The following FSTL1 variants were observed in gnomAD, a reference collection of about 807,000 sequenced individuals.
FSTL1 encodes the protein follistatin-related protein 1.
A neutral mutation model predicts 45.9 loss-of-function variants in FSTL1; 24 were observed. That is an observed-to-expected ratio of 0.52 (90% CI 0.38 to 0.74). FSTL1 has a LOEUF of 0.74. FSTL1 is among the 30% of genes least tolerant of loss of function. The pLI, the probability that FSTL1 is intolerant of heterozygous loss-of-function variation, is 0.00. For missense variants in FSTL1, 340 were observed against 381.8 expected (o/e 0.89, Z 0.91); for synonymous variants, 120 against 137.6 (o/e 0.87, Z 0.89).
intron 6 of FSTL1, among the ~76,000 whole-genome samples, chr3:120,408,773 CCTT>C (rs951047570): frequency 1.3e-5 from 2 of 151,782 alleles, no homozygotes; most frequent in African/African-American, 2.4e-5. Context: ...TTAAGTGTGT[CCTT>C]CTCTGTGCTT....
chr3:120,403,920 C>CAAAAAAAAAAAAAAAAAAAAAAAAAAAAA (rs34145564), intron 7 of FSTL1, among the ~76,000 whole-genome samples: 2 of 52,144 alleles, frequency 3.8e-5, no homozygotes, highest in Admixed American at 2.8e-4. Context: ...GACTCCGTCT[C>CAAAAAAAAAAAAAAAAAAAAAAAAAAAAA]AAAAAAAAAA....
intron 2 of FSTL1, among the ~76,000 whole-genome samples, chr3:120,430,608 C>T (rs1311523644): frequency 2.6e-5 from 4 of 152,230 alleles, no homozygotes; most frequent in African/African-American, 9.6e-5. Context: ...TACATAAAAT[C>T]AGTTCCTTTG....
chr3:120,411,331 C>G, intron 4 of FSTL1: 1 of 237,364 alleles, frequency 4.2e-6, no homozygotes, highest in South Asian at 6.1e-5. Context: ...CTTGTTTCTT[C>G]AAGGAAGGGC....
intron 2 of FSTL1, among the ~76,000 whole-genome samples, chr3:120,426,470 G>T (rs934218710): frequency 7.9e-5 from 12 of 152,176 alleles, no homozygotes; most frequent in Non-Finnish European, 4.4e-5. Context: ...CGCCTAAGAG[G>T]TATCTAGTTC....
chr3:120,403,171 A>G (rs1560011080), intron 8 of FSTL1, 71 bp downstream of exon 8: 1 of 884,122 alleles, frequency 1.1e-6, no homozygotes, highest in South Asian at 1.3e-5. Flanking sequence ...AGTTCCACCA[A>G]TCCTCTCTAT....
intron 2 of FSTL1, among the ~76,000 whole-genome samples, chr3:120,443,629 CACATGCAT>C (rs1471463524): frequency 6.7e-6 from 1 of 149,838 alleles, no homozygotes; most frequent in Non-Finnish European, 1.5e-5. Flanking sequence ...CACACATGCA[CACATGCAT>C]GCACATATAA....
chr3:120,421,244 T>C (rs949028461), intron 2 of FSTL1: 3 of 152,220 alleles, frequency 2.0e-5, no homozygotes, highest in Non-Finnish European at 4.4e-5. Context: ...CTCCATTCTT[T>C]TCCTCCTTCC....
At chr3:120,415,890 C>T (rs762744377) in intron 3 of FSTL1, 33 bp downstream of exon 3, 1 of 1,361,206 alleles carries the variant, frequency 7.3e-7, no homozygotes, top group South Asian at 1.2e-5. Context: ...TGGCCTTGGC[C>T]ACTGTCCTCT....
chr3:120,428,568 C>T (rs1457308747), intron 2 of FSTL1, among the ~76,000 whole-genome samples: 1 of 152,172 alleles, frequency 6.6e-6, no homozygotes, highest in Middle Eastern at 3.4e-3. Flanking sequence ...CCCCCCTCTC[C>T]ATTAAAAATA....
chr3:120,436,776 T>C (rs1334223796), intron 2 of FSTL1, among the ~76,000 whole-genome samples: 1 of 152,242 alleles, frequency 6.6e-6, no homozygotes, highest in East Asian at 1.9e-4. Flanking sequence ...GGACTCAGCC[T>C]GTCCCTGTAG....
At chr3:120,403,612 A>G (rs763648698) in intron 7 of FSTL1, among the ~76,000 whole-genome samples, 1 of 152,158 alleles carries the variant, frequency 6.6e-6, no homozygotes, top group African/African-American at 2.4e-5. Flanking sequence ...TAAGATGACT[A>G]AAGTTTCGTG....
At chr3:120,409,759 G>T in intron 5 of FSTL1, 97 bp from the exon 6 acceptor site, 1 of 1,113,194 alleles carries the variant, frequency 9.0e-7, no homozygotes, top group Non-Finnish European at 1.3e-6. Context: ...CCATGGTTCT[G>T]CATATGTCAT....
rs759231205 is a variant in FSTL1, at chr3:120,392,433, T to C, written c.*4519A>G. 1.3e-5 allele frequency: 2 copies of C among 152,184 alleles called. No individual in the cohort carries two copies. The highest frequency in any genetic ancestry group is 6.5e-5 in the Admixed American group (1 of 15,272). 9.4% of individuals were successfully genotyped at this position (152,184 alleles called of 1,614,324 possible). ...CAAGAATGTAGGGAAATGGATATGC[T>C]CAGTTTATGTACTTTTGGCAGTCAT... On this transcript the variant is annotated 3_prime_UTR_variant, in exon 11 of 11. Coordinates refer to ENST00000295633, the MANE Select transcript of FSTL1 (RefSeq NM_007085.5).
chr3:120,425,743 G>C (rs533123499), intron 2 of FSTL1, among the ~76,000 whole-genome samples: 1 of 152,266 alleles, frequency 6.6e-6, no homozygotes, highest in South Asian at 2.1e-4. Flanking sequence ...AGTCACATGA[G>C]GGTGTTGCTA....
At chr3:120,403,956 C>CAAAAAAA (rs1263684875) in intron 7 of FSTL1, among the ~76,000 whole-genome samples, 1 of 51,454 alleles carries the variant, frequency 1.9e-5, no homozygotes, top group Non-Finnish European at 4.0e-5. Flanking sequence ...AAAAACAAAA[C>CAAAAAAA]AAAACAAAAA....
intron 2 of FSTL1, chr3:120,441,300 C>G (rs1277915250): frequency 6.6e-6 from 1 of 152,104 alleles, no homozygotes; most frequent in African/African-American, 2.4e-5. Context: ...TGTTTTCTTC[C>G]CAGTTATTTC....
At chr3:120,433,487 A>G (rs557719033) in intron 2 of FSTL1, among the ~76,000 whole-genome samples, 14 of 152,222 alleles carry the variant, frequency 9.2e-5, no homozygotes, top group African/African-American at 3.4e-4. Flanking sequence ...TAGCTAGTGG[A>G]TTAATTCAAA....
chr3:120,411,143 C>T (rs975549892), intron 4 of FSTL1, 159 bp from the exon 5 acceptor site: 7 of 575,388 alleles, frequency 1.2e-5, no homozygotes, highest in African/African-American at 1.9e-5. Context: ...TCTTCTAGGG[C>T]CCAGGTATGA....
intron 2 of FSTL1, among the ~76,000 whole-genome samples, chr3:120,428,415 A>C (rs1212332437): frequency 6.6e-6 from 1 of 152,164 alleles, no homozygotes; most frequent in East Asian, 1.9e-4. Flanking sequence ...CCAGCATAGC[A>C]AAGTAGCACC....
Sources: allele counts gnomAD v4.1 joint callset (sites outside exome capture counted in the v4.1 genomes callset), GRCh38; gene constraint gnomAD v4.1.1; transcripts MANE v1.5; gene names NCBI Gene and HGNC (gene_info 2026-07-23, HGNC 2026-07-21).